Variants in FAM131B observed in about 807,000 individuals in gnomAD.
FAM131B encodes family with sequence similarity 131 member B, also known as protein FAM131B.
Under a neutral mutation model 42.0 loss-of-function variants are expected in FAM131B, and 19 were observed. The observed-to-expected ratio is 0.45, with a 90% CI of 0.32 to 0.66. FAM131B has a LOEUF of 0.66. Ranked by LOEUF, FAM131B falls within the 30% of genes least tolerant of loss-of-function variation. The pLI is 0.05. For missense variants in FAM131B, 370 were observed against 468.4 expected (o/e 0.79, Z 1.94); for synonymous variants, 183 against 177.6 (o/e 1.03, Z -0.24).
rs375053726 is a variant in FAM131B at position 143,360,100 on chromosome 7, T to A, written c.78A>T (p.Gln26His). ...GTGAGCTGGTGCTGTCCATGTTGAT[T>A]TGATCGACATCCTTCAGGCCCTTCC... ...VDWKGLKDVD[Q>H]INMDSTSSLH... is the part of the protein sequence containing the mutation. The change falls in exon 2 of 7, where the codon CAA (glutamine) becomes CAT (histidine). Residue 26 changes from glutamine to histidine, a missense_variant. Physicochemically the swap from Gln to His is conservative, Grantham distance 24. Transcript: ENST00000443739. 1.9e-5 allele frequency: 30 copies of A among 1,613,900 alleles called. No individual in the cohort carries two copies. Among genetic ancestry groups the A allele is most frequent in the Non-Finnish European group, 2.4e-5 (28 of 1,179,994 alleles).
chr7:143,362,471 G>C lies in FAM131B; in HGVS notation c.28+105C>G. 2.4e-6 allele frequency: 1 copy of C among 416,982 alleles called. No individual in the cohort carries two copies. The highest frequency in any genetic ancestry group is 4.0e-6 in the Non-Finnish European group (1 of 249,876). The allele number at this position is 416,982 out of a possible 1,614,324, so 25.8% of individuals were successfully genotyped here. A position where few individuals can be genotyped will look rare whatever the true frequency, so the allele number is the denominator to read the frequency against. On this transcript the variant is annotated intron_variant, in intron 1 of 6. Coordinates refer to ENST00000443739, the MANE Select transcript of FAM131B (RefSeq NM_001031690.3). The surrounding 1 kb of genome is among the most constrained non-coding windows in gnomAD (Gnocchi z 7.7). Reference sequence around the variant, plus strand: ...AGTGAAGGAGCTAGCAGGGCAAGGCGGGTGCGGAGCGGGGCGCCCGGAGGC... The same window carrying C: ...AGTGAAGGAGCTAGCAGGGCAAGGCCGGTGCGGAGCGGGGCGCCCGGAGGC...
chr7:143,382,211 G>A, the FAM131B span: 3 of 1,575,496 alleles, frequency 1.9e-6, no homozygotes, highest in South Asian at 1.1e-5. Context: ...GAGGGGTAGA[G>A]GGACCCCGGC....
chr7:143,374,475 T>A, the FAM131B span, among the ~76,000 whole-genome samples: 1 of 152,204 alleles, frequency 6.6e-6, no homozygotes, highest in South Asian at 2.1e-4. Context: ...CCTTCACACA[T>A]CTGCATTGGC....
At position 143,359,547 on chromosome 7, in the gene FAM131B, T is replaced by C. The variant is rs911123479; in HGVS notation, c.175-128A>G. The C allele has an allele frequency of 3.2e-6, 3 of 937,986 alleles. No homozygotes were observed. The highest frequency in any genetic ancestry group is 5.1e-6 in the Non-Finnish European group (3 of 586,176). The allele number at this position is 937,986 out of a possible 1,614,324, so 58.1% of individuals were successfully genotyped here. On this transcript the variant is annotated intron_variant, in intron 3 of 6. Transcript: ENST00000443739. This position sits in a 1 kb window ranked among gnomAD's most constrained non-coding sequence, Gnocchi z 5.4. The stretch of plus-strand genomic sequence containing the variant: ...GGGCAGATGATAAGAAAAGCTACTA[T>C]ACCCAAGAGTCCCAAGGAGGGATAT...
the FAM131B span, among the ~76,000 whole-genome samples, chr7:143,369,654 G>A: frequency 1.4e-4 from 18 of 130,366 alleles, no homozygotes; most frequent in Non-Finnish European, 2.5e-4. Context: ...CAGCCTGGGC[G>A]ACAGAGCGAG....
chr7:143,361,382 G>A (rs1370249117), intron 1 of FAM131B: 1 of 152,246 alleles, frequency 6.6e-6, no homozygotes, highest in Non-Finnish European at 1.5e-5. Context: ...AGGGGAGCGG[G>A]AGGTGGCCTT....
chr7:143,363,410 CAAT>C (rs962272798), upstream of FAM131B, among the ~76,000 whole-genome samples: 2 of 152,098 alleles, frequency 1.3e-5, no homozygotes, highest in African/African-American at 4.8e-5. Context: ...AGACTAACAA[CAAT>C]GTCAGGACCC....
upstream of FAM131B, among the ~76,000 whole-genome samples, chr7:143,363,667 TG>T (rs906307090): frequency 6.6e-6 from 1 of 152,108 alleles, no homozygotes; most frequent in Non-Finnish European, 1.5e-5. Context: ...AAAAGATGCA[TG>T]AGAAAGGGCA....
chr7:143,380,518 G>A, the FAM131B span: 1 of 985,386 alleles, frequency 1.0e-6, no homozygotes, highest in East Asian at 1.1e-4. This position sits in a 1 kb window ranked among gnomAD's most constrained non-coding sequence, Gnocchi z 5.0. Flanking sequence ...CCGTCCTCCC[G>A]GGTCTCCAGT....
chr7:143,373,975 T>C, the FAM131B span, among the ~76,000 whole-genome samples: 1 of 152,096 alleles, frequency 6.6e-6, no homozygotes, highest in Non-Finnish European at 1.5e-5. Context: ...AGGGTGACTT[T>C]TACTCAGAAA....
chr7:143,358,119 C>T lies in FAM131B; in HGVS notation c.467-696G>A, dbSNP rs1803767147. Among the ~76,000 whole-genome samples the T allele has an allele frequency of 6.6e-6, 1 of 152,062 alleles. No individual in the cohort carries two copies. Among genetic ancestry groups the T allele is most frequent in the South Asian group, 2.1e-4 (1 of 4,828 alleles). On this transcript the variant is annotated intron_variant, in intron 5 of 6. Transcript: ENST00000443739. The surrounding 1 kb of genome is among the most constrained non-coding windows in gnomAD (Gnocchi z 4.7). Reference sequence around the variant, plus strand: ...AAGGGGATGGGTAGACCTGGGGATCCCTATTCTAGTCAAATCCATGAGCGT... The same window carrying T: ...AAGGGGATGGGTAGACCTGGGGATCTCTATTCTAGTCAAATCCATGAGCGT...
In FAM131B at chr7:143,354,261, T is replaced by A. The variant is rs1803556987; in HGVS notation, c.*2289A>T. ...CTGCTAGAGTCCTTCAGATCTTTAG[T>A]CATCTTTTGTCAGGGACCATTTGGC... On this transcript the variant is annotated 3_prime_UTR_variant, in exon 7 of 7. Coordinates refer to ENST00000443739, the MANE Select transcript of FAM131B (RefSeq NM_001031690.3). 1.3e-5 allele frequency: 2 copies of A among 152,326 alleles called. No homozygotes were observed. The highest frequency in any genetic ancestry group is 1.3e-4 in the Admixed American group (2 of 15,270). The allele number at this position is 152,326 out of a possible 1,614,324, so 9.4% of individuals were successfully genotyped here.
At chr7:143,370,555 C>A in the FAM131B span, among the ~76,000 whole-genome samples, 2 of 152,188 alleles carry the variant, frequency 1.3e-5, no homozygotes, top group Non-Finnish European at 2.9e-5. Flanking sequence ...TGACTAAAAC[C>A]CGCCAAAACC....
At chr7:143,381,522 G>C in the FAM131B span, 5 of 1,575,068 alleles carry the variant, frequency 3.2e-6, no homozygotes, top group African/African-American at 2.7e-5. Flanking sequence ...TCCTGAGCCC[G>C]GCTCCGCGCT....
rs1803833588 is a variant in FAM131B, at chr7:143,359,246, C to T, written c.268+80G>A. On this transcript the variant is annotated intron_variant, in intron 4 of 6. Transcript: ENST00000443739. This position sits in a 1 kb window ranked among gnomAD's most constrained non-coding sequence, Gnocchi z 5.4. ...GGTGGGGATGAGGGTCTTCATCAAC[C>T]TCGAAGGAGCAGGGAGACTGAGCCA... The T allele has an allele frequency of 8.2e-7, 1 of 1,223,342 alleles. No homozygotes were observed. Among genetic ancestry groups the T allele is most frequent in the African/African-American group, 1.5e-5 (1 of 67,684 alleles). 75.8% of individuals were successfully genotyped at this position (1,223,342 alleles called of 1,614,324 possible). A position where few individuals can be genotyped will look rare whatever the true frequency, so the allele number is the denominator to read the frequency against.
rs780092666 is a variant in FAM131B at position 143,359,432 on chromosome 7, T to C, written c.175-13A>G. ...CCTCCATGGAGAGCTGGGATGGGAA[T>C]GTGGGAGGAAGGGCAGAGGAATAAG... On this transcript the variant is annotated splice_polypyrimidine_tract_variant and intron_variant, in intron 3 of 6. Transcript: ENST00000443739. This position sits in a 1 kb window ranked among gnomAD's most constrained non-coding sequence, Gnocchi z 5.4. 8 of 1,600,574 alleles carry C rather than the reference T, an allele frequency of 5.0e-6. No individual in the cohort carries two copies. The South Asian group carries it at 8.8e-5, about 18-fold the overall frequency.
rs1803805462 is a variant in FAM131B at position 143,358,730 on chromosome 7, T to C, written c.466+97A>G. 1 of 896,832 alleles carries C rather than the reference T, an allele frequency of 1.1e-6. No individual in the cohort carries two copies. Among genetic ancestry groups the C allele is most frequent in the Non-Finnish European group, 1.8e-6 (1 of 562,618 alleles). 55.6% of individuals were successfully genotyped at this position (896,832 alleles called of 1,614,324 possible). A position where few individuals can be genotyped will look rare whatever the true frequency, so the allele number is the denominator to read the frequency against. ...GGGAAATGTGAATCTACGGTCAAAG[T>C]ATGGATGGAGCTAATCCTGCCACAG... On this transcript the variant is annotated intron_variant, in intron 5 of 6. Coordinates refer to ENST00000443739, the MANE Select transcript of FAM131B (RefSeq NM_001031690.3). This position sits in a 1 kb window ranked among gnomAD's most constrained non-coding sequence, Gnocchi z 4.7.
rs1384528827 is a variant in FAM131B at position 143,359,111 on chromosome 7, A to G, written c.269-87T>C. 7.3e-7 allele frequency: 1 copy of G among 1,361,140 alleles called. No individual in the cohort carries two copies. Among genetic ancestry groups the G allele is most frequent in the East Asian group, 2.5e-5 (1 of 40,386 alleles). The allele number at this position is 1,361,140 out of a possible 1,614,324, so 84.3% of individuals were successfully genotyped here. On this transcript the variant is annotated intron_variant, in intron 4 of 6. Transcript: ENST00000443739. This position sits in a 1 kb window ranked among gnomAD's most constrained non-coding sequence, Gnocchi z 5.4. ...TCCCAGTTCCTCCCACCCCAGCCCC[A>G]TGAGGCTCCATCCCACTGGGCCAGG...
chr7:143,377,943 T>C, the FAM131B span, among the ~76,000 whole-genome samples: 4 of 152,192 alleles, frequency 2.6e-5, no homozygotes, highest in African/African-American at 7.2e-5. Context: ...CTTGAACTCC[T>C]GACCTCAGGT....
Sources: gnomAD v4.1 joint callset for allele counts (sites outside exome capture counted in the v4.1 genomes callset) on GRCh38, gnomAD v4.1.1 for gene constraint, Gnocchi (gnomAD v3.1) non-coding constraint, MANE v1.5 for transcripts, NCBI Gene and HGNC (gene_info 2026-07-23, HGNC 2026-07-21) for gene names.